Variants in MACROD2 observed in about 807,000 individuals in gnomAD.
MACROD2 encodes mono-ADP ribosylhydrolase 2.
MACROD2 carries 36 observed loss-of-function variants against 70.4 expected under a neutral mutation model. The ratio of observed to expected loss-of-function variants is 0.51; its 90% CI spans 0.39 to 0.68. MACROD2 has a LOEUF of 0.68. MACROD2 is among the 30% of genes least tolerant of loss of function. The pLI, the probability that MACROD2 is intolerant of heterozygous loss-of-function variation, is 0.00. For synonymous variants in MACROD2, 172 were observed against 178.8 expected (o/e 0.96, Z 0.30); for missense variants, 496 against 538.4 (o/e 0.92, Z 0.78).
At chr20:14,871,048 TA>T (rs1317642051) in intron 5 of MACROD2, among the ~76,000 whole-genome samples, 1 of 152,042 alleles carries the variant, frequency 6.6e-6, no homozygotes. Flanking sequence ...ATGGTACTGG[TA>T]TACTTGAAAG....
intron 3 of MACROD2, among the ~76,000 whole-genome samples, chr20:14,244,279 A>G (rs1452017293): frequency 1.3e-5 from 2 of 152,068 alleles, no homozygotes; most frequent in Admixed American, 1.3e-4. Context: ...CCTTTGTGTT[A>G]TGTTGCTTCT....
rs189817749 is a variant in MACROD2 at position 14,528,070 on chromosome 20, A to G, written c.301+34562A>G. Among the ~76,000 whole-genome samples the G allele has an allele frequency of 9.1e-4, 138 of 151,954 alleles. 1 individual carries two copies. The East Asian group carries it at 0.012, about 13-fold the overall frequency. ...TATATAATCTTATTTTAATCTCAAT[A>G]TAAGATAAAATCTGACCTTTAATAA... On this transcript the variant is annotated intron_variant, in intron 4 of 17. Coordinates refer to ENST00000684519, the MANE Select transcript of MACROD2 (RefSeq NM_001351661.2).
intron 5 of MACROD2, among the ~76,000 whole-genome samples, chr20:15,110,331 C>A (rs1421453343): frequency 1.3e-5 from 2 of 152,104 alleles, no homozygotes; most frequent in Non-Finnish European, 2.9e-5. Context: ...GGGTGCCCTG[C>A]ACTGGAATTG....
In MACROD2 at chr20:15,885,631, G is replaced by T. The variant is rs1601057990; in HGVS notation, c.728-133G>T. The T allele has an allele frequency of 4.0e-6, 3 of 756,868 alleles. No homozygotes were observed. The East Asian group carries it at 1.1e-4, about 28-fold the overall frequency. The allele number at this position is 756,868 out of a possible 1,614,324, so 46.9% of individuals were successfully genotyped here. On this transcript the variant is annotated intron_variant, in intron 9 of 17. Coordinates refer to ENST00000684519, the MANE Select transcript of MACROD2 (RefSeq NM_001351661.2). ...ATGATAATAATAAGACAACAGAAAT[G>T]CATGTTTTAACAGTCTGTTTTCTAC...
chr20:15,305,922 A>G (rs112933857), intron 6 of MACROD2, among the ~76,000 whole-genome samples: 38 of 152,264 alleles, frequency 2.5e-4, no homozygotes, highest in African/African-American at 8.7e-4. Flanking sequence ...TATAAATTCT[A>G]TCTTTTGATT....
chr20:16,042,635 A>G (rs2067322702), intron 16 of MACROD2, among the ~76,000 whole-genome samples: 1 of 152,034 alleles, frequency 6.6e-6, no homozygotes, highest in Non-Finnish European at 1.5e-5. Flanking sequence ...GGAAGAAGAA[A>G]CAGAAAAGGA....
chr20:15,086,904 C>T (rs1036097273), intron 5 of MACROD2, among the ~76,000 whole-genome samples: 1 of 152,058 alleles, frequency 6.6e-6, no homozygotes, highest in African/African-American at 2.4e-5. Flanking sequence ...ATATTAGGCC[C>T]TTTAAGATTA....
chr20:15,616,020 G>A (rs534089895), intron 8 of MACROD2, among the ~76,000 whole-genome samples: 1 of 151,848 alleles, frequency 6.6e-6, no homozygotes, highest in Admixed American at 6.6e-5. Flanking sequence ...TATTTGTTAT[G>A]AGTAAAAGTG....
At chr20:14,145,983 G>A (rs992608751) in intron 3 of MACROD2, among the ~76,000 whole-genome samples, 6 of 152,214 alleles carry the variant, frequency 3.9e-5, no homozygotes, top group Non-Finnish European at 7.4e-5. Context: ...TCTATTGAAC[G>A]GTTCCTTTTT....
chr20:14,543,807 A>G (rs753663000), intron 4 of MACROD2, among the ~76,000 whole-genome samples: 2 of 152,204 alleles, frequency 1.3e-5, no homozygotes, highest in Non-Finnish European at 2.9e-5. Context: ...TCTGTAGATA[A>G]TACTTAGGGA....
At chr20:14,227,322 A>C (rs1019816658) in intron 3 of MACROD2, among the ~76,000 whole-genome samples, 22 of 152,098 alleles carry the variant, frequency 1.4e-4, no homozygotes, top group Non-Finnish European at 2.9e-4. Flanking sequence ...ACATGGTGGA[A>C]GCTTTGTTCT....
intron 5 of MACROD2, chr20:14,758,094 G>A: frequency 2.3e-5 from 8 of 352,820 alleles, no homozygotes; most frequent in East Asian, 4.8e-5. Flanking sequence ...TAAACATCCA[G>A]CCAAAAAAGC....
chr20:14,580,262 C>T (rs910183162), intron 4 of MACROD2, among the ~76,000 whole-genome samples: 5 of 152,058 alleles, frequency 3.3e-5, no homozygotes, highest in African/African-American at 4.8e-5. Flanking sequence ...AGCAAAATCC[C>T]GATCATCCCT....
chr20:15,427,966 A>G (rs1270415053), intron 6 of MACROD2, among the ~76,000 whole-genome samples: 1 of 152,172 alleles, frequency 6.6e-6, no homozygotes, highest in African/African-American at 2.4e-5. Flanking sequence ...GGGTGCTGCT[A>G]AACTTACCAC....
intron 3 of MACROD2, among the ~76,000 whole-genome samples, chr20:14,436,351 A>G (rs1419930944): frequency 6.6e-6 from 1 of 152,218 alleles, no homozygotes; most frequent in East Asian, 1.9e-4. Flanking sequence ...TACCTTCCAT[A>G]TCATGAAGCC....
chr20:14,131,095 TA>T (rs2054713413), intron 3 of MACROD2, among the ~76,000 whole-genome samples: 1 of 152,038 alleles, frequency 6.6e-6, no homozygotes, highest in Non-Finnish European at 1.5e-5. Flanking sequence ...TGGCTAATTT[TA>T]AAAAATTTTT....
intron 2 of MACROD2, among the ~76,000 whole-genome samples, chr20:14,062,664 C>T (rs1601175116): frequency 6.6e-6 from 1 of 151,908 alleles, no homozygotes; most frequent in African/African-American, 2.4e-5. Context: ...TAACTTATGC[C>T]AGGGGAGTTG....
At position 15,262,748 on chromosome 20, in the gene MACROD2, GGATAA is replaced by G. The variant is rs1416288974; in HGVS notation, c.540+32693_540+32697del. On this transcript the variant is annotated intron_variant, in intron 6 of 17. Coordinates refer to ENST00000684519, the MANE Select transcript of MACROD2 (RefSeq NM_001351661.2). ...TTTTAGATAAAAGCAATTTTAACTGGGATAAGATAATATCTCATTGTAGTTTTGAT... is the reference window on the plus strand; with the variant it reads ...TTTTAGATAAAAGCAATTTTAACTGGGATAATATCTCATTGTAGTTTTGAT... 2.8e-4 allele frequency among the ~76,000 whole-genome samples: 42 copies of G among 152,100 alleles called. 1 individual carries two copies. The highest frequency in any genetic ancestry group is 1.0e-3 in the Admixed American group (16 of 15,278).
chr20:14,909,954 A>G (rs973925955), intron 5 of MACROD2, among the ~76,000 whole-genome samples: 42 of 152,284 alleles, frequency 2.8e-4, no homozygotes, highest in African/African-American at 1.0e-3. Context: ...GACAGCTCCA[A>G]TGTAGATTCT....
Sources: allele counts gnomAD v4.1 joint callset (sites outside exome capture counted in the v4.1 genomes callset), GRCh38; gene constraint gnomAD v4.1.1; transcripts MANE v1.5; gene names NCBI Gene and HGNC (gene_info 2026-07-23, HGNC 2026-07-21).